Variants in CCSER1 observed in about 807,000 individuals in gnomAD.
The protein encoded by CCSER1 is coiled-coil serine rich protein 1, also known as serine-rich coiled-coil domain-containing protein 1.
Under a neutral mutation model 82.0 loss-of-function variants are expected in CCSER1, and 41 were observed. The observed-to-expected ratio is 0.50, with a 90% CI of 0.39 to 0.65. The LOEUF (loss-of-function observed/expected upper bound fraction) is 0.65, where lower values mean the gene tolerates loss of function less well. Among genes scored for constraint, CCSER1 ranks in the 30% least tolerant of loss-of-function variants. The pLI, the probability that CCSER1 is intolerant of heterozygous loss-of-function variation, is 0.00. For missense variants in CCSER1, 1,119 were observed against 1,064.2 expected, an observed-to-expected ratio of 1.05 and a Z score of -0.72; for synonymous variants, 414 against 383.9, an observed-to-expected ratio of 1.08 and a Z score of -0.92.
chr4:90,178,159 T>C (rs191009871), intron 1 of CCSER1, among the ~76,000 whole-genome samples: 164 of 152,228 alleles, frequency 1.1e-3, no homozygotes, highest in African/African-American at 3.7e-3. Flanking sequence ...AAAGTAAAAA[T>C]TGTTGTAGTG....
intron 10 of CCSER1, among the ~76,000 whole-genome samples, chr4:91,547,747 T>C (rs990277515): frequency 6.6e-6 from 1 of 152,094 alleles, no homozygotes; most frequent in African/African-American, 2.4e-5. Flanking sequence ...TTTTATATTT[T>C]TTTCCAATAA....
chr4:91,247,415 A>T (rs1433525937), intron 10 of CCSER1, among the ~76,000 whole-genome samples: 1 of 152,216 alleles, frequency 6.6e-6, no homozygotes, highest in African/African-American at 2.4e-5. Flanking sequence ...AGGTATTTAC[A>T]GATTAGAGTT....
chr4:90,921,303 T>G (rs1166659933), intron 8 of CCSER1, among the ~76,000 whole-genome samples: 1 of 113,024 alleles, frequency 8.8e-6, no homozygotes, highest in Admixed American at 8.3e-5. Context: ...AATATTTAAT[T>G]CTTAATTATT....
intron 10 of CCSER1, among the ~76,000 whole-genome samples, chr4:91,432,152 G>T (rs984775069): frequency 1.6e-4 from 24 of 152,210 alleles, no homozygotes; most frequent in African/African-American, 5.5e-4. Flanking sequence ...GAAGGTTCTT[G>T]CTTCTTCTTT....
At chr4:90,661,974 C>T (rs1258507582) in intron 6 of CCSER1, among the ~76,000 whole-genome samples, 3 of 150,384 alleles carry the variant, frequency 2.0e-5, no homozygotes, top group Non-Finnish European at 4.4e-5. Context: ...CTTGTTTGTC[C>T]TATACCACTC....
chr4:90,186,235 TTC>T (rs1198861369), intron 1 of CCSER1, among the ~76,000 whole-genome samples: 2 of 151,998 alleles, frequency 1.3e-5, no homozygotes, highest in Non-Finnish European at 1.5e-5. Context: ...TATGTGTCCC[TTC>T]TCTCATAAAA....
intron 9 of CCSER1, among the ~76,000 whole-genome samples, chr4:90,975,009 A>T (rs1445664116): frequency 2.0e-5 from 3 of 151,426 alleles, no homozygotes; most frequent in South Asian, 2.1e-4. Context: ...TTATATCCAC[A>T]TGATGGAATA....
chr4:90,587,350 G>A (rs980285435), intron 5 of CCSER1, among the ~76,000 whole-genome samples: 4 of 152,138 alleles, frequency 2.6e-5, no homozygotes, highest in African/African-American at 2.4e-5. Context: ...CAGTGATCAC[G>A]CCTGTAATTC....
chr4:91,356,173 C>A (rs185446571), intron 10 of CCSER1, among the ~76,000 whole-genome samples: 1 of 152,330 alleles, frequency 6.6e-6, no homozygotes, highest in African/African-American at 2.4e-5. Context: ...GAGAGATAGG[C>A]CACTGGCCTT....
intron 5 of CCSER1, among the ~76,000 whole-genome samples, chr4:90,524,648 T>C (rs1165857390): frequency 2.6e-5 from 4 of 152,252 alleles, no homozygotes; most frequent in African/African-American, 7.2e-5. Context: ...TTTGTATTTT[T>C]AGTAGAGACA....
At chr4:91,135,477 C>G (rs1728376730) in intron 10 of CCSER1, among the ~76,000 whole-genome samples, 1 of 152,144 alleles carries the variant, frequency 6.6e-6, no homozygotes, top group Non-Finnish European at 1.5e-5. Context: ...AAATGGTATT[C>G]TAGATGGTGG....
intron 3 of CCSER1, among the ~76,000 whole-genome samples, chr4:90,337,675 A>G (rs1740665733): frequency 6.6e-6 from 1 of 152,114 alleles, no homozygotes; most frequent in Non-Finnish European, 1.5e-5. Flanking sequence ...AGGATCAAAA[A>G]GAATGTTGGT....
intron 1 of CCSER1, among the ~76,000 whole-genome samples, chr4:90,170,008 A>C (rs1314281590): frequency 6.6e-6 from 1 of 151,854 alleles, no homozygotes; most frequent in Non-Finnish European, 1.5e-5. Context: ...CTAGATAGAT[A>C]ATTCCTCTAG....
intron 9 of CCSER1, among the ~76,000 whole-genome samples, chr4:91,017,477 G>A (rs1739535922): frequency 1.3e-5 from 2 of 152,110 alleles, no homozygotes; most frequent in Admixed American, 6.5e-5. Flanking sequence ...CTCGTGTAAT[G>A]GGGGTTTGTG....
intron 10 of CCSER1, among the ~76,000 whole-genome samples, chr4:91,594,887 G>A (rs1472862710): frequency 6.6e-6 from 1 of 151,978 alleles, no homozygotes; most frequent in Non-Finnish European, 1.5e-5. Context: ...AGACACAATA[G>A]GGTAATTAGT....
At chr4:90,304,193 G>T (rs916844230) in intron 1 of CCSER1, among the ~76,000 whole-genome samples, 2 of 152,196 alleles carry the variant, frequency 1.3e-5, no homozygotes, top group African/African-American at 4.8e-5. Flanking sequence ...CTTTTACACT[G>T]TTGGTGGAAC....
intron 10 of CCSER1, among the ~76,000 whole-genome samples, chr4:91,475,885 A>C (rs1364500172): frequency 2.0e-5 from 3 of 151,844 alleles, no homozygotes; most frequent in Non-Finnish European, 4.4e-5. Flanking sequence ...ATGAGTGAGA[A>C]TGTGTGATAT....
intron 1 of CCSER1, among the ~76,000 whole-genome samples, chr4:90,160,595 T>C (rs1729256374): frequency 6.6e-6 from 1 of 152,156 alleles, no homozygotes; most frequent in Non-Finnish European, 1.5e-5. Flanking sequence ...TAGTTTTTAA[T>C]CAAATGGCAG....
chr4:91,558,867 C>G (rs958230001), intron 10 of CCSER1, among the ~76,000 whole-genome samples: 10 of 151,464 alleles, frequency 6.6e-5, no homozygotes, highest in African/African-American at 2.4e-4. Flanking sequence ...AGGACACAGC[C>G]AAACCATATC....
Sources: gnomAD v4.1 joint callset for allele counts (sites outside exome capture counted in the v4.1 genomes callset) on GRCh38, gnomAD v4.1.1 for gene constraint, MANE v1.5 for transcripts, NCBI Gene and HGNC (gene_info 2026-07-23, HGNC 2026-07-21) for gene names.